Variants in ZNF207 observed in about 807,000 individuals in gnomAD.
ZNF207 encodes the protein BUB3-interacting and GLEBS motif-containing protein ZNF207.
ZNF207 carries 24 observed loss-of-function variants against 60.2 expected under a neutral mutation model. The ratio of observed to expected loss-of-function variants is 0.40; its 90% CI spans 0.29 to 0.56. The LOEUF is 0.56. Ranked by LOEUF, ZNF207 falls within the 20% of genes least tolerant of loss-of-function variation. ZNF207 has a pLI of 0.49. For synonymous variants in ZNF207, 236 were observed against 194.7 expected (o/e 1.21, Z -1.77); for missense variants, 452 against 636.6 (o/e 0.71, Z 3.12).
chr17:32,368,323 A>G (rs1417084869), intron 10 of ZNF207: 1 of 329,460 alleles, frequency 3.0e-6, no homozygotes, highest in Non-Finnish European at 5.7e-6. Flanking sequence ...ATGTTAATTG[A>G]ATAAACGTTA....
rs1567827801 is a variant in ZNF207 at position 32,369,843 on chromosome 17, A to C, written c.*84A>C. The stretch of plus-strand genomic sequence containing the variant: ...TTATATAGCCAAGCTTCCGTCAATA[A>C]GGCTTCATTGTGACTTTAACAAACA... On this transcript the variant is annotated 3_prime_UTR_variant, in exon 12 of 12. Coordinates refer to ENST00000394670, the MANE Select transcript of ZNF207 (RefSeq NM_001098507.2). 20 of 1,321,262 alleles carry C rather than the reference A, an allele frequency of 1.5e-5. No homozygotes were observed. Among genetic ancestry groups the C allele is most frequent in the Non-Finnish European group, 2.0e-5 (20 of 1,017,542 alleles). 81.8% of individuals were successfully genotyped at this position (1,321,262 alleles called of 1,614,324 possible).
At chr17:32,361,170 G>C in intron 5 of ZNF207, 1 of 628,560 alleles carries the variant, frequency 1.6e-6, no homozygotes, top group Non-Finnish European at 2.7e-6. Context: ...TGGGTTTTAG[G>C]GTATATGTAA....
chr17:32,373,769 G>T lies in ZNF207; in HGVS notation c.*4010G>T. On this transcript the variant is annotated 3_prime_UTR_variant, in exon 12 of 12. Coordinates refer to ENST00000394670, the MANE Select transcript of ZNF207 (RefSeq NM_001098507.2). ...ATTTGATATTTTTGATTGGAGGCAA[G>T]AAATGTTTCATTCAAGTTTTTTACT... is the stretch of plus-strand genomic sequence containing the variant. The T allele has an allele frequency of 4.6e-6, 1 of 215,540 alleles. No individual in the cohort carries two copies. The highest frequency in any genetic ancestry group is 9.9e-5 in the East Asian group (1 of 10,142). 13.4% of individuals were successfully genotyped at this position (215,540 alleles called of 1,614,324 possible). A position where few individuals can be genotyped will look rare whatever the true frequency, so the allele number is the denominator to read the frequency against.
Position 32,379,747 on chromosome 17 carries a change from C to G in ZNF207, c.*9988C>G, listed in dbSNP as rs55962414. 1.1e-3 allele frequency: 170 copies of G among 152,280 alleles called. No homozygotes were observed. Among genetic ancestry groups the G allele is most frequent in the African/African-American group, 3.9e-3 (164 of 41,570 alleles). 9.4% of individuals were successfully genotyped at this position (152,280 alleles called of 1,614,324 possible). On this transcript the variant is annotated 3_prime_UTR_variant, in exon 12 of 12. Coordinates refer to ENST00000394670, the MANE Select transcript of ZNF207 (RefSeq NM_001098507.2). ...TTTCAAAAGTATTATTTAAGCCACT[C>G]TAACCCTGCATGAAAAATTGGAGTT...
At chr17:32,369,227 T>TG in intron 10 of ZNF207, 68 bp from the exon 11 acceptor site, 1 of 1,548,932 alleles carries the variant, frequency 6.5e-7, no homozygotes, top group Non-Finnish European at 8.8e-7. Flanking sequence ...AGATTTTAGA[T>TG]GCATGCCTTT....
chr17:32,350,657 G>C (rs2041485312), intron 1 of ZNF207, among the ~76,000 whole-genome samples: 1 of 152,098 alleles, frequency 6.6e-6, no homozygotes, highest in South Asian at 2.1e-4. Context: ...TTTTGGTGAC[G>C]ATTCAACAAG....
Position 32,361,252 on chromosome 17 carries a change from T to A in ZNF207, c.552-216T>A, listed in dbSNP as rs1049981354. On this transcript the variant is annotated intron_variant, in intron 5 of 11. Transcript: ENST00000394670. ...TATTTATAGATTTGCGTTTCTGAGATTCAGAATTATCTGTGACACTTTGTA... is the reference window on the plus strand; with the variant it reads ...TATTTATAGATTTGCGTTTCTGAGAATCAGAATTATCTGTGACACTTTGTA... The A allele has an allele frequency of 2.0e-5, 11 of 563,906 alleles. No individual in the cohort carries two copies. The Admixed American group carries it at 3.5e-4, about 18-fold the overall frequency. The allele number at this position is 563,906 out of a possible 1,614,324, so 34.9% of individuals were successfully genotyped here. A position where few individuals can be genotyped will look rare whatever the true frequency, so the allele number is the denominator to read the frequency against.
intron 2 of ZNF207, among the ~76,000 whole-genome samples, chr17:32,355,608 G>C (rs1904461428): frequency 6.6e-6 from 1 of 152,178 alleles, no homozygotes; most frequent in Non-Finnish European, 1.5e-5. Flanking sequence ...TACAATGTAA[G>C]GGTGGCTAGT....
At chr17:32,350,525 G>C (rs955041829) in intron 1 of ZNF207, among the ~76,000 whole-genome samples, 199 bp downstream of exon 1, 14 of 152,060 alleles carry the variant, frequency 9.2e-5, no homozygotes, top group African/African-American at 3.4e-4. Context: ...TGCAGTTGTG[G>C]GTCGTGTGAC....
chr17:32,352,730 C>T (rs1043934734), intron 2 of ZNF207, among the ~76,000 whole-genome samples: 5 of 152,186 alleles, frequency 3.3e-5, no homozygotes, highest in Non-Finnish European at 7.3e-5. Flanking sequence ...TGGCCTTGCT[C>T]TGTGGCCCAG....
chr17:32,352,471 G>A (rs1369916877), intron 2 of ZNF207, among the ~76,000 whole-genome samples: 3 of 152,138 alleles, frequency 2.0e-5, no homozygotes, highest in East Asian at 1.9e-4. Context: ...ACCTTACTAG[G>A]TTAGATTGGT....
chr17:32,369,826 C>G lies in ZNF207; in HGVS notation c.*67C>G. 1 of 1,351,378 alleles carries G rather than the reference C, an allele frequency of 7.4e-7. No homozygotes were observed. The allele number at this position is 1,351,378 out of a possible 1,614,324, so 83.7% of individuals were successfully genotyped here. A position where few individuals can be genotyped will look rare whatever the true frequency, so the allele number is the denominator to read the frequency against. On this transcript the variant is annotated 3_prime_UTR_variant, in exon 12 of 12. Coordinates refer to ENST00000394670, the MANE Select transcript of ZNF207 (RefSeq NM_001098507.2). ...TTCTCAACTTGTGCTGTTTATATAG[C>G]CAAGCTTCCGTCAATAAGGCTTCAT...
intron 8 of ZNF207, among the ~76,000 whole-genome samples, chr17:32,366,312 T>C (rs72813015): frequency 0.48 from 59,725 of 124,780 alleles, 12,718 homozygotes; most frequent in Non-Finnish European, 0.54. Flanking sequence ...TGTAAAACTT[T>C]TGGCAAAAAT....
intron 7 of ZNF207, among the ~76,000 whole-genome samples, 185 bp from the exon 8 acceptor site, chr17:32,365,145 T>G (rs1334260245): frequency 2.6e-5 from 4 of 152,238 alleles, no homozygotes; most frequent in Admixed American, 2.6e-4. Flanking sequence ...TTCGTAAAAT[T>G]CTGAAGCAGT....
intron 1 of ZNF207, 135 bp downstream of exon 1, chr17:32,350,461 G>T (rs1269333237): frequency 3.4e-6 from 4 of 1,182,276 alleles, no homozygotes; most frequent in Non-Finnish European, 5.0e-6. Context: ...TGGTGGCTGG[G>T]ATTGGACTTG....
intron 2 of ZNF207, among the ~76,000 whole-genome samples, chr17:32,355,748 G>A (rs1241971744): frequency 6.6e-6 from 1 of 152,210 alleles, no homozygotes; most frequent in Admixed American, 6.5e-5. Context: ...GAGATGAAAG[G>A]TAGGAAAACC....
In ZNF207 at chr17:32,362,965, G is replaced by T; in HGVS notation, c.651G>T (p.Leu217=). 6.2e-7 allele frequency: 1 copy of T among 1,613,278 alleles called. No individual in the cohort carries two copies. Residue 217 remains leucine (L), a synonymous_variant, in exon 7 of 12, where the codon CTG becomes CTT. Transcript: ENST00000394670. Reference sequence around the variant, plus strand: ...CACCTGGACCAGGAATACCACCTCTGATGCCTGGAATGCCACCAGGTATAT... The same window carrying T: ...CACCTGGACCAGGAATACCACCTCTTATGCCTGGAATGCCACCAGGTATAT... ...MMPPGPGIPP[L]MPGMPPGMPP... is the part of the protein sequence containing the mutation.
intron 6 of ZNF207, 167 bp from the exon 7 acceptor site, chr17:32,362,747 A>T (rs909185123): frequency 8.4e-6 from 4 of 477,292 alleles, no homozygotes; most frequent in Non-Finnish European, 1.5e-5. Context: ...TTATTTTGAT[A>T]GGATTGTTAC....
At chr17:32,361,822 A>G (rs1290982768) in intron 6 of ZNF207, among the ~76,000 whole-genome samples, 2 of 152,322 alleles carry the variant, frequency 1.3e-5, no homozygotes, top group Admixed American at 6.5e-5. Context: ...TACATGCTTT[A>G]TTATTATAGG....
Sources: allele counts gnomAD v4.1 joint callset (sites outside exome capture counted in the v4.1 genomes callset), GRCh38; gene constraint gnomAD v4.1.1; transcripts MANE v1.5; gene names NCBI Gene and HGNC (gene_info 2026-07-23, HGNC 2026-07-21).